Variants in FMNL2 observed in about 807,000 individuals in gnomAD.
FMNL2 encodes the protein formin-like protein 2.
FMNL2 carries 51 observed loss-of-function variants against 130.2 expected under a neutral mutation model. The observed-to-expected ratio is 0.39, with a 90% CI of 0.31 to 0.49. The LOEUF (loss-of-function observed/expected upper bound fraction) is 0.49. Among genes scored for constraint, FMNL2 ranks in the 20% least tolerant of loss-of-function variants. The probability of loss-of-function intolerance (pLI) is 0.85; values close to 1 mark genes in which losing one functional copy is unlikely to be tolerated. For missense variants in FMNL2, 977 were observed against 1,316.2 expected, an observed-to-expected ratio of 0.74 and a Z score of 3.99; for synonymous variants, 465 against 467.1, an observed-to-expected ratio of 1.00 and a Z score of 0.06.
chr2:152,584,256 G>C (rs1427625863), intron 9 of FMNL2, among the ~76,000 whole-genome samples: 1 of 151,930 alleles, frequency 6.6e-6, no homozygotes, highest in Non-Finnish European at 1.5e-5. Flanking sequence ...ATAGGGTTTT[G>C]TTCAGTGAAT....
In FMNL2 at chr2:152,473,083, A is replaced by G. The variant is rs148287281; in HGVS notation, c.118-48860A>G. On this transcript the variant is annotated intron_variant, in intron 1 of 25. Transcript: ENST00000288670. ...CAAGATTGGGTTTTGGAATCTGTTT[A>G]TTAGGTTGTGACCTTGAGATCATTC... is the stretch of plus-strand genomic sequence containing the variant. 2.6e-5 allele frequency among the ~76,000 whole-genome samples: 4 copies of G among 152,340 alleles called. No homozygotes were observed. The East Asian group carries it at 5.8e-4, about 22-fold the overall frequency.
chr2:152,588,711 A>C (rs560771150), intron 9 of FMNL2, among the ~76,000 whole-genome samples: 2 of 152,172 alleles, frequency 1.3e-5, no homozygotes, highest in Non-Finnish European at 2.9e-5. Flanking sequence ...AGTTTTAAAG[A>C]GCTTAGGGCA....
intron 3 of FMNL2, among the ~76,000 whole-genome samples, chr2:152,545,764 A>G (rs1694597684): frequency 1.3e-5 from 2 of 152,264 alleles, no homozygotes; most frequent in Middle Eastern, 3.4e-3. Context: ...TTCTTTTCAT[A>G]GTGTTTTGCA....
intron 10 of FMNL2, among the ~76,000 whole-genome samples, chr2:152,611,112 C>T (rs943028271): frequency 1.3e-5 from 2 of 152,024 alleles, no homozygotes; most frequent in African/African-American, 2.4e-5. Context: ...AGGCCCAGGC[C>T]GGCGGATCAC....
chr2:152,645,370 G>C, intron 25 of FMNL2: 1 of 933,244 alleles, frequency 1.1e-6, no homozygotes. Context: ...AAGTTGAGTT[G>C]CTTTCCATTT....
At chr2:152,641,673 C>T (rs902907990) in intron 25 of FMNL2, among the ~76,000 whole-genome samples, 1 of 152,178 alleles carries the variant, frequency 6.6e-6, no homozygotes, top group Admixed American at 6.5e-5. Context: ...TCATCCATTT[C>T]AACAATTACG....
At chr2:152,606,468 G>A (rs1698360513) in intron 9 of FMNL2, among the ~76,000 whole-genome samples, 4 of 152,148 alleles carry the variant, frequency 2.6e-5, no homozygotes, top group Non-Finnish European at 5.9e-5. Context: ...TGTAGTCCCA[G>A]CTACTTGGGA....
At chr2:152,383,393 T>G (rs1684597614) in intron 1 of FMNL2, among the ~76,000 whole-genome samples, 1 of 151,808 alleles carries the variant, frequency 6.6e-6, no homozygotes, top group South Asian at 2.1e-4. Flanking sequence ...TTTAATTGTT[T>G]ATTGTAATGC....
Position 152,649,622 on chromosome 2 carries a change from C to CAA in FMNL2, c.*1719_*1720dup, listed in dbSNP as rs1489905321. ...CTTCCACTACAAAGCAGCTGTTTTC[C>CAA]AAAGTTCAATGCTGACATATATGTA... On this transcript the variant is annotated 3_prime_UTR_variant, in exon 26 of 26. Transcript: ENST00000288670. 2.0e-5 allele frequency: 3 copies of CAA among 152,596 alleles called. No homozygotes were observed. The highest frequency in any genetic ancestry group is 7.2e-5 in the African/African-American group (3 of 41,430). 9.5% of individuals were successfully genotyped at this position (152,596 alleles called of 1,614,324 possible). A position where few individuals can be genotyped will look rare whatever the true frequency, so the allele number is the denominator to read the frequency against.
intron 21 of FMNL2, among the ~76,000 whole-genome samples, chr2:152,632,421 T>C (rs1424331746): frequency 4.6e-5 from 7 of 152,250 alleles, no homozygotes; most frequent in African/African-American, 1.7e-4. Flanking sequence ...CTGCTGCTAT[T>C]GTATGAAATG....
chr2:152,545,428 A>T (rs990706547), intron 3 of FMNL2, among the ~76,000 whole-genome samples: 14 of 152,164 alleles, frequency 9.2e-5, no homozygotes, highest in South Asian at 2.1e-4. Flanking sequence ...TTAAAAAAAA[A>T]TTTTAAGCAT....
chr2:152,569,228 C>T (rs1696031647), intron 6 of FMNL2, among the ~76,000 whole-genome samples: 1 of 151,814 alleles, frequency 6.6e-6, no homozygotes. Context: ...ATGTATCTGG[C>T]AAGAGAAATT....
chr2:152,533,744 C>T lies in FMNL2; in HGVS notation c.202-8995C>T, dbSNP rs538346159. The stretch of plus-strand genomic sequence containing the variant: ...AATATTGACTCTTCTGATCTATGAA[C>T]ATGGTACTCTATTGATTTAGGTGTT... On this transcript the variant is annotated intron_variant, in intron 2 of 25. Coordinates refer to ENST00000288670, the MANE Select transcript of FMNL2 (RefSeq NM_052905.4). 2.0e-5 allele frequency among the ~76,000 whole-genome samples: 3 copies of T among 152,144 alleles called. No individual in the cohort carries two copies. In the East Asian group the frequency reaches 5.8e-4, roughly 29 times the overall value.
At chr2:152,491,299 T>A (rs7606592) in intron 1 of FMNL2, among the ~76,000 whole-genome samples, 72,509 of 151,986 alleles carry the variant, frequency 0.48, 18,392 homozygotes, top group East Asian at 0.7. Flanking sequence ...CTACACAGTT[T>A]TCAGGGTCAG....
chr2:152,478,392 C>A (rs907333286), intron 1 of FMNL2, among the ~76,000 whole-genome samples: 2 of 151,638 alleles, frequency 1.3e-5, no homozygotes, highest in East Asian at 3.9e-4. Context: ...CACGCGCCAA[C>A]GTGCCCAGCT....
intron 1 of FMNL2, among the ~76,000 whole-genome samples, chr2:152,402,829 C>T (rs923318125): frequency 6.6e-6 from 1 of 152,108 alleles, no homozygotes; most frequent in Non-Finnish European, 1.5e-5. Flanking sequence ...AATACAGTTA[C>T]CTTATAATTA....
At chr2:152,467,583 C>T (rs1689623766) in intron 1 of FMNL2, among the ~76,000 whole-genome samples, 2 of 152,116 alleles carry the variant, frequency 1.3e-5, no homozygotes, top group Admixed American at 6.5e-5. Flanking sequence ...GCCGTGCACT[C>T]GTTTGGATAG....
intron 1 of FMNL2, among the ~76,000 whole-genome samples, chr2:152,516,476 T>TC (rs2105379675): frequency 6.6e-6 from 1 of 152,304 alleles, no homozygotes. Context: ...TTTTTCTCTC[T>TC]AAGCAAGTGG....
intron 18 of FMNL2, 27 bp from the exon 19 acceptor site, chr2:152,629,629 C>T (rs1682032907): frequency 6.4e-7 from 1 of 1,564,742 alleles, no homozygotes; most frequent in Non-Finnish European, 8.7e-7. Context: ...CTTTTTTCCC[C>T]TTTTTCTTTC....
Sources: gnomAD v4.1 joint callset for allele counts (sites outside exome capture counted in the v4.1 genomes callset) on GRCh38, gnomAD v4.1.1 for gene constraint, MANE v1.5 for transcripts, NCBI Gene and HGNC (gene_info 2026-07-23, HGNC 2026-07-21) for gene names.